Variants in ERGIC1 observed in about 807,000 individuals in gnomAD.
ERGIC1 encodes endoplasmic reticulum-Golgi intermediate compartment protein 1.
In ERGIC1, 19 loss-of-function variants were observed where a neutral mutation model predicts 38.3. The ratio of observed to expected loss-of-function variants is 0.50; its 90% CI spans 0.35 to 0.73. The LOEUF (loss-of-function observed/expected upper bound fraction) is 0.73. Among genes scored for constraint, ERGIC1 ranks in the 30% least tolerant of loss-of-function variants. The pLI, the probability that ERGIC1 is intolerant of heterozygous loss-of-function variation, is 0.01. For synonymous variants in ERGIC1, 124 were observed against 157.6 expected (o/e 0.79, Z 1.60); for missense variants, 294 against 389.2 (o/e 0.76, Z 2.06).
At chr5:172,877,459 T>TATATATATATA (rs1554108825) in intron 1 of ERGIC1, among the ~76,000 whole-genome samples, 1 of 57,794 alleles carries the variant, frequency 1.7e-5, no homozygotes, top group African/African-American at 5.3e-5. Flanking sequence ...TATATATATA[T>TATATATATATA]TTTTTTTTTT....
Position 172,846,656 on chromosome 5 carries a change from T to C in ERGIC1, c.20+12223T>C, listed in dbSNP as rs1025320019. Among the ~76,000 whole-genome samples, 11 of 152,226 alleles carry C rather than the reference T, an allele frequency of 7.2e-5. No individual in the cohort carries two copies. The highest frequency in any genetic ancestry group is 2.6e-4 in the African/African-American group (11 of 41,546). On this transcript the variant is annotated intron_variant, in intron 1 of 9. Coordinates refer to ENST00000393784, the MANE Select transcript of ERGIC1 (RefSeq NM_001031711.3). This position sits in a 1 kb window ranked among gnomAD's most constrained non-coding sequence, Gnocchi z 4.0. ...TAGGAACCATGTCATAAGAGTAACC[T>C]TCAAAGGAATAGGAAGGTTTCTCCT...
At chr5:172,885,503 AGCTGG>A (rs1762395566) in intron 1 of ERGIC1, among the ~76,000 whole-genome samples, 1 of 152,204 alleles carries the variant, frequency 6.6e-6, no homozygotes, top group East Asian at 1.9e-4. Context: ...CCTGGACAAA[AGCTGG>A]GCTGTTAGCC....
chr5:172,892,071 T>TG (rs1427185746), intron 2 of ERGIC1, among the ~76,000 whole-genome samples: 1 of 113,348 alleles, frequency 8.8e-6, no homozygotes, highest in African/African-American at 2.8e-5. Flanking sequence ...TGTTTTTTTT[T>TG]TTTTTTTTTT....
At chr5:172,912,634 G>A (rs578175236) in intron 4 of ERGIC1, among the ~76,000 whole-genome samples, 36 of 152,202 alleles carry the variant, frequency 2.4e-4, no homozygotes, top group Non-Finnish European at 2.9e-4. Flanking sequence ...TGATCCACCC[G>A]CCTCAGCCTC....
chr5:172,947,197 AAAAG>A (rs1343861274), intron 9 of ERGIC1, among the ~76,000 whole-genome samples: 1 of 151,748 alleles, frequency 6.6e-6, no homozygotes, highest in Non-Finnish European at 1.5e-5. Context: ...AAAAAAAAAA[AAAAG>A]AAAGACATGA....
At chr5:172,897,504 A>C (rs1314511396) in intron 3 of ERGIC1, among the ~76,000 whole-genome samples, 2 of 151,914 alleles carry the variant, frequency 1.3e-5, no homozygotes, top group Non-Finnish European at 2.9e-5. Flanking sequence ...TTCTGTCTCC[A>C]GGCCTGTGGC....
chr5:172,840,446 A>G (rs1761133111), intron 1 of ERGIC1, among the ~76,000 whole-genome samples: 1 of 152,180 alleles, frequency 6.6e-6, no homozygotes, highest in African/African-American at 2.4e-5. Context: ...CGGTACATCT[A>G]AATCAGTGAG....
chr5:172,905,905 T>C (rs1271944044), intron 3 of ERGIC1, among the ~76,000 whole-genome samples: 1 of 152,208 alleles, frequency 6.6e-6, no homozygotes, highest in East Asian at 1.9e-4. Context: ...CTGATTTGAC[T>C]GTTTCTTTAC....
chr5:172,870,255 A>G (rs569685179), intron 1 of ERGIC1, among the ~76,000 whole-genome samples: 2 of 152,208 alleles, frequency 1.3e-5, no homozygotes, highest in South Asian at 4.2e-4. Flanking sequence ...GATTTTACCT[A>G]ATTCCCCAGA....
intron 2 of ERGIC1, among the ~76,000 whole-genome samples, chr5:172,889,011 G>A (rs890528614): frequency 3.9e-5 from 6 of 152,158 alleles, no homozygotes; most frequent in Non-Finnish European, 4.4e-5. Context: ...CAGGCTGGGC[G>A]CGGTGGCTCA....
intron 8 of ERGIC1, chr5:172,932,778 A>G: frequency 1.9e-6 from 1 of 529,708 alleles, no homozygotes. Flanking sequence ...GATGCGTTTG[A>G]CAAAGAGCAG....
At chr5:172,896,252 A>G (rs916465160) in intron 2 of ERGIC1, among the ~76,000 whole-genome samples, 3 of 152,204 alleles carry the variant, frequency 2.0e-5, no homozygotes, top group African/African-American at 7.2e-5. Context: ...CTGAGGCAGA[A>G]GAATCGTTTG....
intron 3 of ERGIC1, among the ~76,000 whole-genome samples, chr5:172,899,220 A>T (rs1001267082): frequency 6.6e-6 from 1 of 152,080 alleles, no homozygotes; most frequent in African/African-American, 2.4e-5. Flanking sequence ...AGCCAGGTCA[A>T]AGTGAGCAAG....
intron 7 of ERGIC1, among the ~76,000 whole-genome samples, chr5:172,929,225 A>T (rs1339383682): frequency 1.3e-5 from 2 of 152,120 alleles, no homozygotes; most frequent in African/African-American, 4.8e-5. Context: ...TTAAGAATGC[A>T]GATTCTGGGC....
chr5:172,932,731 A>G (rs1763807354), intron 8 of ERGIC1, 195 bp downstream of exon 8: 4 of 601,256 alleles, frequency 6.7e-6, no homozygotes, highest in African/African-American at 1.9e-5. Context: ...GCAGTCTCAG[A>G]GTCAAGGAGA....
Position 172,903,617 on chromosome 5 carries a change from C to T in ERGIC1, c.156-6050C>T, listed in dbSNP as rs375250673. On this transcript the variant is annotated intron_variant, in intron 3 of 9. Transcript: ENST00000393784. ...AACACTGGATCAACTCCTTGAGCATCGATATTAATAATAATGATAAAAACC... is the reference window on the plus strand; with the variant it reads ...AACACTGGATCAACTCCTTGAGCATTGATATTAATAATAATGATAAAAACC... 2.1e-4 allele frequency among the ~76,000 whole-genome samples: 32 copies of T among 152,210 alleles called. No individual in the cohort carries two copies. In the South Asian group the frequency reaches 5.8e-3, roughly 28 times the overall value.
rs1388036142 is a variant in ERGIC1, at chr5:172,950,962, C to T, written c.*146C>T. On this transcript the variant is annotated 3_prime_UTR_variant, in exon 10 of 10. Transcript: ENST00000393784. ...AGTGGGGGGAAAGTAGAGGATGGCT[C>T]GATGTTTTGCAGCTACCTCTTTTCC... 6.8e-6 allele frequency: 4 copies of T among 591,822 alleles called. No homozygotes were observed. Among genetic ancestry groups the T allele is most frequent in the Admixed American group, 3.5e-5 (1 of 28,438 alleles). The allele number at this position is 591,822 out of a possible 1,614,324, so 36.7% of individuals were successfully genotyped here.
chr5:172,868,231 AAC>A (rs1761920019), intron 1 of ERGIC1, among the ~76,000 whole-genome samples: 1 of 152,202 alleles, frequency 6.6e-6, no homozygotes, highest in Non-Finnish European at 1.5e-5. Context: ...ACAGATGTAA[AAC>A]ACTGGCGGTT....
intron 1 of ERGIC1, among the ~76,000 whole-genome samples, chr5:172,864,749 C>T (rs540901028): frequency 2.0e-4 from 30 of 152,056 alleles, no homozygotes; most frequent in Non-Finnish European, 3.7e-4. Context: ...ATGTCCCCCC[C>T]CCTTTTTTTT....
Sources: allele counts gnomAD v4.1 joint callset (sites outside exome capture counted in the v4.1 genomes callset), GRCh38; gene constraint gnomAD v4.1.1; non-coding constraint Gnocchi (gnomAD v3.1); transcripts MANE v1.5; gene names NCBI Gene and HGNC (gene_info 2026-07-23, HGNC 2026-07-21).